The following IPCEF1 variants were observed in gnomAD, a reference collection of about 807,000 sequenced individuals.
The protein encoded by IPCEF1 is interactor protein for cytohesin exchange factors 1.
In IPCEF1, 31 loss-of-function variants were observed where a neutral mutation model predicts 50.9. That is an observed-to-expected ratio of 0.61 (90% CI 0.46 to 0.82). The LOEUF (loss-of-function observed/expected upper bound fraction) is 0.82, where lower values mean the gene tolerates loss of function less well. Among genes scored for constraint, IPCEF1 ranks in the 40% least tolerant of loss-of-function variants. The pLI is 0.00. For missense variants in IPCEF1, 458 were observed against 514.0 expected (o/e 0.89, Z 1.05); for synonymous variants, 181 against 192.0 (o/e 0.94, Z 0.47).
intron 3 of IPCEF1, among the ~76,000 whole-genome samples, chr6:154,260,662 G>A (rs539109884): frequency 4.6e-5 from 7 of 152,038 alleles, no homozygotes; most frequent in South Asian, 2.1e-4. Context: ...TAGTAGAGAC[G>A]GGGTTTCATC....
chr6:154,273,398 A>G (rs1781947178), intron 2 of IPCEF1, among the ~76,000 whole-genome samples: 1 of 152,228 alleles, frequency 6.6e-6, no homozygotes, highest in African/African-American at 2.4e-5. Context: ...AGCACTGTTT[A>G]TAAGCGAGCA....
intron 3 of IPCEF1, among the ~76,000 whole-genome samples, chr6:154,264,680 T>G (rs951380626): frequency 1.1e-4 from 15 of 135,870 alleles, no homozygotes; most frequent in African/African-American, 3.8e-4. Context: ...AGCCAATACA[T>G]AACTTCTTAA....
At chr6:154,171,506 G>T (rs779386321) in intron 10 of IPCEF1, among the ~76,000 whole-genome samples, 52 of 152,142 alleles carry the variant, frequency 3.4e-4, no homozygotes, top group Admixed American at 1.6e-3. Context: ...AATGTGTAAG[G>T]ATTTCTTTTT....
intron 9 of IPCEF1, among the ~76,000 whole-genome samples, chr6:154,212,121 T>A (rs1778011428): frequency 6.6e-6 from 1 of 152,142 alleles, no homozygotes; most frequent in Non-Finnish European, 1.5e-5. Context: ...AAAATCACCT[T>A]CCCCAATGAT....
intron 2 of IPCEF1, among the ~76,000 whole-genome samples, chr6:154,268,915 A>G (rs1008030989): frequency 1.3e-5 from 2 of 152,168 alleles, no homozygotes; most frequent in African/African-American, 4.8e-5. Context: ...GATCCTTGGG[A>G]GAGATCGATC....
chr6:154,195,311 C>T (rs569575014), intron 10 of IPCEF1, among the ~76,000 whole-genome samples: 68 of 152,082 alleles, frequency 4.5e-4, no homozygotes, highest in Non-Finnish European at 7.2e-4. Flanking sequence ...CCACACCTGG[C>T]TAATTTTTTG....
chr6:154,216,039 T>TA (rs1178802889), intron 7 of IPCEF1, among the ~76,000 whole-genome samples: 1 of 152,158 alleles, frequency 6.6e-6, no homozygotes, highest in African/African-American at 2.4e-5. Flanking sequence ...TGAAAACTGA[T>TA]ACAGCCAATT....
intron 3 of IPCEF1, among the ~76,000 whole-genome samples, chr6:154,263,341 C>G (rs911195356): frequency 1.4e-4 from 20 of 147,092 alleles, no homozygotes; most frequent in South Asian, 8.8e-4. Context: ...AAGGTCAGCA[C>G]ATAAACAAGT....
intron 5 of IPCEF1, among the ~76,000 whole-genome samples, chr6:154,239,727 G>A (rs6913073): frequency 0.14 from 20,589 of 151,836 alleles, 1,582 homozygotes; most frequent in Non-Finnish European, 0.17. Flanking sequence ...TTTTTGAGAC[G>A]CAGTCTCGCT....
chr6:154,251,703 C>A lies in IPCEF1; in HGVS notation c.37-4215G>T, dbSNP rs79910432. On this transcript the variant is annotated intron_variant, in intron 3 of 11. Transcript: ENST00000367220. ...GTTGCTGTTTTGTTAAGAAGTAGGGCAGGGAAGCAAGGACTAGAGATTGTG... is the reference window on the plus strand; with the variant it reads ...GTTGCTGTTTTGTTAAGAAGTAGGGAAGGGAAGCAAGGACTAGAGATTGTG... Among the ~76,000 whole-genome samples the A allele has an allele frequency of 9.0e-3, 1,375 of 152,060 alleles. 16 individuals are homozygous for A. Among genetic ancestry groups the A allele is most frequent in the African/African-American group, 0.032 (1,310 of 41,474 alleles).
chr6:154,195,144 TTTC>T (rs1481217742), intron 10 of IPCEF1, among the ~76,000 whole-genome samples: 16 of 128,684 alleles, frequency 1.2e-4, no homozygotes, highest in African/African-American at 4.6e-4. Context: ...TTTTCTTTTC[TTTC>T]TTTTTTTTTT....
At chr6:154,238,429 A>G (rs1376954694) in intron 5 of IPCEF1, among the ~76,000 whole-genome samples, 7 of 151,180 alleles carry the variant, frequency 4.6e-5, no homozygotes, top group East Asian at 1.9e-4. Flanking sequence ...CTAATTTTGT[A>G]TATATATATA....
At chr6:154,190,964 G>A (rs758018606) in intron 10 of IPCEF1, among the ~76,000 whole-genome samples, 8 of 152,122 alleles carry the variant, frequency 5.3e-5, no homozygotes, top group Admixed American at 1.3e-4. Flanking sequence ...GCTGAGGCAG[G>A]AGAATGGCAT....
At chr6:154,345,230 T>A (rs140359490) in intron 1 of IPCEF1, among the ~76,000 whole-genome samples, 2,648 of 152,346 alleles carry the variant, frequency 0.017, 51 homozygotes, top group South Asian at 0.086. Context: ...AGTAAGATAT[T>A]TGTAGTAACT....
At chr6:154,221,159 A>G in intron 7 of IPCEF1, 98 bp downstream of exon 7, 1 of 827,978 alleles carries the variant, frequency 1.2e-6, no homozygotes, top group Admixed American at 2.6e-5. Flanking sequence ...CAGAAATAAA[A>G]TAATAATTGA....
chr6:154,312,323 G>A (rs1783097645), intron 1 of IPCEF1, among the ~76,000 whole-genome samples: 1 of 151,990 alleles, frequency 6.6e-6, no homozygotes, highest in South Asian at 2.1e-4. Context: ...TAGAGGGAAG[G>A]ATTGGAGAGA....
chr6:154,269,936 A>G (rs1333963199), intron 2 of IPCEF1, among the ~76,000 whole-genome samples: 1 of 152,200 alleles, frequency 6.6e-6, no homozygotes, highest in Admixed American at 6.5e-5. Context: ...CAAGGTTTTG[A>G]TGAAAATATA....
At chr6:154,289,237 G>A (rs1049616126) in intron 2 of IPCEF1, among the ~76,000 whole-genome samples, 3 of 151,694 alleles carry the variant, frequency 2.0e-5, no homozygotes, top group Non-Finnish European at 4.4e-5. Context: ...TAGAGGTGGG[G>A]ACATCTTCAG....
At chr6:154,222,840 G>T (rs928403614) in intron 6 of IPCEF1, 2 of 324,176 alleles carry the variant, frequency 6.2e-6, no homozygotes, top group Non-Finnish European at 1.2e-5. Flanking sequence ...TTAACTGCTT[G>T]TTTTTTCTTT....
Sources: allele counts gnomAD v4.1 joint callset (sites outside exome capture counted in the v4.1 genomes callset), GRCh38; gene constraint gnomAD v4.1.1; transcripts MANE v1.5; gene names NCBI Gene and HGNC (gene_info 2026-07-23, HGNC 2026-07-21).